Variants in MAEA observed in about 807,000 individuals in gnomAD.
MAEA encodes the protein macrophage erythroblast attacher, E3 ubiquitin ligase, also known as E3 ubiquitin-protein transferase MAEA.
MAEA carries 22 observed loss-of-function variants against 46.2 expected under a neutral mutation model. The observed-to-expected ratio is 0.48, with a 90% CI of 0.34 to 0.68. The LOEUF (loss-of-function observed/expected upper bound fraction) is 0.68, where lower values mean the gene tolerates loss of function less well. Among genes scored for constraint, MAEA ranks in the 30% least tolerant of loss-of-function variants. The pLI, the probability that MAEA is intolerant of heterozygous loss-of-function variation, is 0.01. For missense variants in MAEA, 393 were observed against 558.1 expected (o/e 0.70, Z 2.98); for synonymous variants, 246 against 222.6 (o/e 1.11, Z -0.94).
chr4:1,308,669 G>T (rs928658266), intron 1 of MAEA, among the ~76,000 whole-genome samples: 1 of 152,240 alleles, frequency 6.6e-6, no homozygotes, highest in Non-Finnish European at 1.5e-5. Context: ...GTGGTTGGTC[G>T]TGTGGAGCAT....
chr4:1,334,799 C>A, intron 6 of MAEA: 2 of 889,752 alleles, frequency 2.2e-6, no homozygotes, highest in Non-Finnish European at 2.7e-6. Flanking sequence ...AGCCCAGAGG[C>A]AACCAGTCCT....
intron 3 of MAEA, among the ~76,000 whole-genome samples, chr4:1,318,420 G>A (rs533802871): frequency 6.6e-6 from 1 of 152,366 alleles, no homozygotes; most frequent in African/African-American, 2.4e-5. Context: ...ATATGGGAGT[G>A]CTGATGATTC....
intron 1 of MAEA, among the ~76,000 whole-genome samples, chr4:1,302,753 T>G (rs1735444568): frequency 6.6e-6 from 1 of 152,214 alleles, no homozygotes; most frequent in Non-Finnish European, 1.5e-5. Flanking sequence ...GTGCTGGGAT[T>G]ATAGGCGTGA....
Position 1,289,934 on chromosome 4 carries a change from G to C in MAEA, c.21G>C (p.Ala7=), listed in dbSNP as rs755222864. Residue 7 remains alanine (A), a synonymous_variant, in exon 1 of 9, where the codon GCG becomes GCC. Coordinates refer to ENST00000303400, the MANE Select transcript of MAEA (RefSeq NM_001017405.3). MAVQES[A]AQLSMTLKVQ... ...TCAAGATGGCGGTGCAGGAGTCGGC[G>C]GCTCAGTTGTCCATGACCCTGAAGG... 4.4e-6 allele frequency: 7 copies of C among 1,601,550 alleles called. No individual in the cohort carries two copies. The highest frequency in any genetic ancestry group is 5.1e-6 in the Non-Finnish European group (6 of 1,173,764).
chr4:1,321,111 CA>C (rs1319089189), intron 3 of MAEA, among the ~76,000 whole-genome samples: 3 of 151,704 alleles, frequency 2.0e-5, no homozygotes, highest in African/African-American at 7.3e-5. Context: ...AAAAAACAAA[CA>C]AAAGCACACA....
intron 1 of MAEA, chr4:1,298,165 C>T (rs908260037): frequency 2.3e-5 from 10 of 440,166 alleles, no homozygotes; most frequent in Admixed American, 1.4e-4. Context: ...ATGCCTGCCC[C>T]GTCCTTGTGC....
At chr4:1,334,336 G>A (rs2109010187) in intron 6 of MAEA, among the ~76,000 whole-genome samples, 1 of 151,506 alleles carries the variant, frequency 6.6e-6, no homozygotes, top group East Asian at 2.0e-4. Flanking sequence ...GGACTGCAAA[G>A]CCCTGGGCAG....
intron 4 of MAEA, among the ~76,000 whole-genome samples, chr4:1,326,275 G>A (rs796850232): frequency 1.5e-4 from 23 of 152,338 alleles, no homozygotes; most frequent in African/African-American, 5.1e-4. Context: ...TGTTCATGCC[G>A]TCCTGAGAGC....
chr4:1,290,779 G>A (rs1195760273), intron 1 of MAEA, among the ~76,000 whole-genome samples: 1 of 152,212 alleles, frequency 6.6e-6, no homozygotes, highest in East Asian at 1.9e-4. Flanking sequence ...GAGGACGGAC[G>A]GTGTGGCGAC....
rs73793335 is a variant in MAEA at position 1,316,679 on chromosome 4, A to G, written c.456+1079A>G. ...TTTCCACGGCTTAAATCCCACCCAC[A>G]TGTGTGTGGCTCCCACCTGGGGCAT... On this transcript the variant is annotated intron_variant, in intron 3 of 8. Transcript: ENST00000303400. Among the ~76,000 whole-genome samples the G allele has an allele frequency of 3.0e-3, 459 of 152,140 alleles. 6 individuals are homozygous for G. Among genetic ancestry groups the G allele is most frequent in the African/African-American group, 0.011 (446 of 41,484 alleles).
intron 3 of MAEA, among the ~76,000 whole-genome samples, chr4:1,319,527 A>G (rs1159429949): frequency 3.3e-5 from 5 of 152,172 alleles, no homozygotes; most frequent in East Asian, 1.9e-4. Context: ...GAGAGATCCA[A>G]CTGGGTTCAG....
At chr4:1,308,516 C>T (rs114375111) in intron 1 of MAEA, among the ~76,000 whole-genome samples, 42 of 152,370 alleles carry the variant, frequency 2.8e-4, no homozygotes, top group African/African-American at 9.6e-4. Context: ...CTGCTCTACA[C>T]GCTGCGCCGG....
At chr4:1,305,412 C>T (rs1399642145) in intron 1 of MAEA, among the ~76,000 whole-genome samples, 1 of 152,200 alleles carries the variant, frequency 6.6e-6, no homozygotes, top group Non-Finnish European at 1.5e-5. Context: ...TCGGTGTGGA[C>T]ACACCGTGGT....
Position 1,311,115 on chromosome 4 carries a change from T to C in MAEA, c.70-864T>C, listed in dbSNP as rs1448033553. Among the ~76,000 whole-genome samples, 1 of 152,190 alleles carries C rather than the reference T, an allele frequency of 6.6e-6. No homozygotes were observed. Among genetic ancestry groups the C allele is most frequent in the African/African-American group, 2.4e-5 (1 of 41,452 alleles). ...AGAGGAGGCGAGGTGGAGCGCTTGT[T>C]CTGGCACAGCTGCGACGGCAGAGTT... On this transcript the variant is annotated intron_variant, in intron 1 of 8. Transcript: ENST00000303400. This position sits in a 1 kb window ranked among gnomAD's most constrained non-coding sequence, Gnocchi z 4.4.
intron 1 of MAEA, among the ~76,000 whole-genome samples, chr4:1,304,822 G>A (rs1735678729): frequency 6.6e-6 from 1 of 152,176 alleles, no homozygotes; most frequent in Admixed American, 6.5e-5. Flanking sequence ...CATTTCATGT[G>A]TTTCTTTGTA....
At chr4:1,304,776 C>T (rs1441645097) in intron 1 of MAEA, among the ~76,000 whole-genome samples, 2 of 152,080 alleles carry the variant, frequency 1.3e-5, no homozygotes, top group Non-Finnish European at 2.9e-5. Flanking sequence ...TGAACATATT[C>T]GGGATAAATT....
At chr4:1,330,001 A>G (rs4333131) in intron 5 of MAEA, 187,095 of 985,278 alleles carry the variant, frequency 0.19, 23,541 homozygotes, top group African/African-American at 0.59. Flanking sequence ...TGGGGCAGGC[A>G]AGGTGAGTCC....
intron 1 of MAEA, among the ~76,000 whole-genome samples, chr4:1,299,287 A>G (rs965464083): frequency 6.6e-6 from 1 of 152,170 alleles, no homozygotes; most frequent in Non-Finnish European, 1.5e-5. Context: ...TCCCTTGGTC[A>G]GGCCAGAACC....
intron 1 of MAEA, among the ~76,000 whole-genome samples, chr4:1,310,774 C>T (rs893498525): frequency 3.9e-5 from 6 of 152,178 alleles, no homozygotes; most frequent in Non-Finnish European, 7.4e-5. Context: ...GAGTGGCAGC[C>T]GGGGGAACGG....
Sources: gnomAD v4.1 joint callset for allele counts (sites outside exome capture counted in the v4.1 genomes callset) on GRCh38, gnomAD v4.1.1 for gene constraint, Gnocchi (gnomAD v3.1) non-coding constraint, MANE v1.5 for transcripts, NCBI Gene and HGNC (gene_info 2026-07-23, HGNC 2026-07-21) for gene names.